The following NALCN variants were observed in gnomAD, a reference collection of about 807,000 sequenced individuals.
NALCN encodes sodium leak channel, non-selective.
In NALCN, 111 loss-of-function variants were observed where a neutral mutation model predicts 225.3. The ratio of observed to expected loss-of-function variants is 0.49; its 90% CI spans 0.42 to 0.58. The LOEUF (loss-of-function observed/expected upper bound fraction) is 0.58, where lower values mean the gene tolerates loss of function less well. Among genes scored for constraint, NALCN ranks in the 20% least tolerant of loss-of-function variants. NALCN has a pLI of 0.00. For synonymous variants in NALCN, 764 were observed against 769.0 expected (o/e 0.99, Z 0.11); for missense variants, 1,378 against 2,202.4 (o/e 0.63, Z 7.49).
chr13:101,109,721 G>C (rs1017385425), intron 20 of NALCN, among the ~76,000 whole-genome samples: 1 of 152,036 alleles, frequency 6.6e-6, no homozygotes, highest in African/African-American at 2.4e-5. Context: ...TGTAATCTTT[G>C]CATGGTATAG....
rs564880083 is a variant in NALCN at position 101,246,255 on chromosome 13, GC to G, written c.1267-8334del. 3.8e-3 allele frequency among the ~76,000 whole-genome samples: 579 copies of G among 152,196 alleles called. 2 individuals are homozygous for G. Among genetic ancestry groups the G allele is most frequent in the Non-Finnish European group, 6.4e-3 (438 of 68,008 alleles). Reference sequence around the variant, plus strand: ...AGATAAAATGGTAGAGATGGACATTGCCCATGAGTGGAAAGATATTTGAAAT... The same window carrying G: ...AGATAAAATGGTAGAGATGGACATTGCCATGAGTGGAAAGATATTTGAAAT... On this transcript the variant is annotated intron_variant, in intron 11 of 43. Coordinates refer to ENST00000251127, the MANE Select transcript of NALCN (RefSeq NM_052867.4).
intron 3 of NALCN, among the ~76,000 whole-genome samples, chr13:101,381,219 A>T (rs1018092820): frequency 6.6e-6 from 1 of 152,166 alleles, no homozygotes; most frequent in Non-Finnish European, 1.5e-5. Context: ...GATTATCATC[A>T]TATGAAGATT....
At chr13:101,353,449 A>G (rs1027635501) in intron 6 of NALCN, among the ~76,000 whole-genome samples, 1 of 152,186 alleles carries the variant, frequency 6.6e-6, no homozygotes, top group Non-Finnish European at 1.5e-5. Flanking sequence ...ACTCCTATGA[A>G]TTGGTCTAGC....
chr13:101,116,313 C>CATAT (rs72172114), intron 18 of NALCN: 1,932 of 153,834 alleles, frequency 0.013, 38 homozygotes, highest in African/African-American at 0.039. Context: ...ATATGACAGC[C>CATAT]ATATATATAT....
At chr13:101,215,459 C>T (rs1334397998) in intron 13 of NALCN, among the ~76,000 whole-genome samples, 2 of 152,082 alleles carry the variant, frequency 1.3e-5, no homozygotes, top group East Asian at 3.9e-4. Context: ...AGAATGTGGG[C>T]ATGGTGTAAT....
chr13:101,189,316 G>C (rs904048604), intron 14 of NALCN, among the ~76,000 whole-genome samples: 4 of 152,132 alleles, frequency 2.6e-5, no homozygotes, highest in East Asian at 3.9e-4. Flanking sequence ...GGGCATAAAT[G>C]ATACCCTAAT....
intron 6 of NALCN, among the ~76,000 whole-genome samples, chr13:101,348,786 C>T (rs1364247317): frequency 6.6e-6 from 1 of 152,076 alleles, no homozygotes; most frequent in Non-Finnish European, 1.5e-5. Flanking sequence ...AAGTTATTAG[C>T]AAATGTTTAT....
In NALCN at chr13:101,399,076, G is replaced by C; in HGVS notation, c.51C>G (p.Asp17Glu). 6.2e-7 allele frequency: 1 copy of C among 1,613,632 alleles called. No homozygotes were observed. Among genetic ancestry groups the C allele is most frequent in the South Asian group, 1.1e-5 (1 of 91,068 alleles). Residue 17 changes from aspartate (D) to glutamate (E), a missense_variant, in exon 2 of 44, where the codon GAC becomes GAG. Asp to Glu is a conservative substitution (Grantham distance 45). Transcript: ENST00000251127. Reference sequence around the variant, plus strand: ...CCGACAGAGACTCATCAGGACCAAAGTCAGTGACTGGCTGGGCTTCCACCC... The same window carrying C: ...CCGACAGAGACTCATCAGGACCAAACTCAGTGACTGGCTGGGCTTCCACCC... Reference protein sequence around the residue: ...SSRVEAQPVTDFGPDESLSDN... With the variant: ...SSRVEAQPVTEFGPDESLSDN...
At chr13:101,120,532 A>C (rs570244728) in intron 18 of NALCN, among the ~76,000 whole-genome samples, 6 of 152,142 alleles carry the variant, frequency 3.9e-5, no homozygotes, top group South Asian at 2.1e-4. Context: ...AAAAAAAAAA[A>C]AAACCACTAT....
intron 7 of NALCN, among the ~76,000 whole-genome samples, chr13:101,322,501 T>G (rs1393367666): frequency 6.6e-6 from 1 of 152,200 alleles, no homozygotes; most frequent in Non-Finnish European, 1.5e-5. Flanking sequence ...TTCAATATTT[T>G]TAAACAGACT....
At chr13:101,197,964 G>A (rs1417509059) in intron 13 of NALCN, among the ~76,000 whole-genome samples, 1 of 152,164 alleles carries the variant, frequency 6.6e-6, no homozygotes, top group Non-Finnish European at 1.5e-5. Flanking sequence ...TAAACAGACT[G>A]CAATGATTTT....
chr13:101,205,669 T>C (rs2140055879), intron 13 of NALCN, among the ~76,000 whole-genome samples: 1 of 152,280 alleles, frequency 6.6e-6, no homozygotes, highest in African/African-American at 2.4e-5. Context: ...CTGTCAAGTT[T>C]CTTGGAGTAC....
chr13:101,231,043 G>A (rs2041326642), intron 12 of NALCN, among the ~76,000 whole-genome samples: 1 of 152,100 alleles, frequency 6.6e-6, no homozygotes, highest in South Asian at 2.1e-4. Context: ...TTGTAGCCTA[G>A]GAGCAATAGG....
At chr13:101,247,627 C>G (rs946170171) in intron 11 of NALCN, among the ~76,000 whole-genome samples, 1 of 151,806 alleles carries the variant, frequency 6.6e-6, no homozygotes, top group Non-Finnish European at 1.5e-5. Context: ...TAGTTGTTTT[C>G]ATTATTTTAT....
intron 30 of NALCN, among the ~76,000 whole-genome samples, chr13:101,086,456 T>C (rs1036047268): frequency 3.9e-5 from 6 of 152,030 alleles, no homozygotes; most frequent in Admixed American, 3.9e-4. Context: ...TATAGTATTG[T>C]CTTAATATTT....
intron 13 of NALCN, among the ~76,000 whole-genome samples, chr13:101,228,111 C>T (rs1487981176): frequency 6.6e-6 from 1 of 152,160 alleles, no homozygotes; most frequent in Non-Finnish European, 1.5e-5. Flanking sequence ...GGACTTATGT[C>T]CCCATGATTA....
chr13:101,146,522 T>C (rs2037351957), intron 15 of NALCN, among the ~76,000 whole-genome samples: 1 of 152,218 alleles, frequency 6.6e-6, no homozygotes, highest in African/African-American at 2.4e-5. Context: ...AGGAAGAGTC[T>C]TGTTTTCTAA....
intron 14 of NALCN, chr13:101,180,223 T>TTTTTTG (rs1328259020): frequency 2.0e-5 from 3 of 150,232 alleles, no homozygotes; most frequent in Non-Finnish European, 4.4e-5. Context: ...TTTTTTTTTT[T>TTTTTTG]TGAGACAGGG....
At chr13:101,405,029 T>C (rs1463922724) in intron 1 of NALCN, among the ~76,000 whole-genome samples, 1 of 152,266 alleles carries the variant, frequency 6.6e-6, no homozygotes, top group Non-Finnish European at 1.5e-5. Flanking sequence ...ACAATATTAA[T>C]TCTTATTTCA....
Sources: allele counts gnomAD v4.1 joint callset (sites outside exome capture counted in the v4.1 genomes callset), GRCh38; gene constraint gnomAD v4.1.1; transcripts MANE v1.5; gene names NCBI Gene and HGNC (gene_info 2026-07-23, HGNC 2026-07-21).